The following DAB1 variants were observed in gnomAD, a reference collection of about 807,000 sequenced individuals.
DAB1 encodes the protein disabled homolog 1.
In DAB1, 15 loss-of-function variants were observed where a neutral mutation model predicts 64.6. The observed-to-expected ratio is 0.23, with a 90% CI of 0.16 to 0.36. The LOEUF is 0.36. Among genes scored for constraint, DAB1 ranks in the 10% least tolerant of loss-of-function variants. DAB1 has a pLI of 1.00. For missense variants in DAB1, 596 were observed against 706.7 expected (o/e 0.84, Z 1.78); for synonymous variants, 235 against 251.9 (o/e 0.93, Z 0.64).
intron 4 of DAB1, among the ~76,000 whole-genome samples, chr1:58,219,169 C>T (rs921867054): frequency 7.2e-5 from 11 of 152,028 alleles, no homozygotes; most frequent in African/African-American, 2.4e-4. Flanking sequence ...CCTCTGTCTA[C>T]GGGTTTCCAT....
chr1:57,078,899 G>T (rs1318392671), intron 4 of DAB1, among the ~76,000 whole-genome samples: 1 of 152,168 alleles, frequency 6.6e-6, no homozygotes. Context: ...CTGCAGTGCT[G>T]TTAGGATGGT....
chr1:57,780,697 C>T (rs1000929309), intron 6 of DAB1, among the ~76,000 whole-genome samples: 3 of 145,384 alleles, frequency 2.1e-5, no homozygotes, highest in Non-Finnish European at 3.0e-5. Flanking sequence ...TCTTTTGTTT[C>T]CTTCCTTCCT....
intron 1 of DAB1, among the ~76,000 whole-genome samples, chr1:57,844,685 G>T (rs1467406492): frequency 6.6e-6 from 1 of 152,136 alleles, no homozygotes; most frequent in Admixed American, 6.5e-5. Context: ...TTGCATTCTT[G>T]TTCCTGGCTG....
chr1:58,105,426 T>C (rs1651574523), intron 5 of DAB1, among the ~76,000 whole-genome samples: 1 of 152,152 alleles, frequency 6.6e-6, no homozygotes, highest in Non-Finnish European at 1.5e-5. Flanking sequence ...GCATGCATCA[T>C]TTCATATCAG....
At chr1:57,179,511 C>A (rs1202261829) in intron 2 of DAB1, among the ~76,000 whole-genome samples, 1 of 152,202 alleles carries the variant, frequency 6.6e-6, no homozygotes, top group Admixed American at 6.5e-5. Flanking sequence ...GTCAGATGCA[C>A]ATTGTATATC....
chr1:58,523,254 A>G (rs957656719), intron 2 of DAB1, among the ~76,000 whole-genome samples: 26 of 151,936 alleles, frequency 1.7e-4, no homozygotes. Flanking sequence ...TCTTTTCATC[A>G]TTTCCTTGAC....
chr1:57,165,528 T>G (rs1479864300), intron 2 of DAB1, among the ~76,000 whole-genome samples: 1 of 152,226 alleles, frequency 6.6e-6, no homozygotes, highest in Non-Finnish European at 1.5e-5. Context: ...ACTGCCATTG[T>G]GCAAGGAGCT....
chr1:57,692,125 T>C (rs1414414395), intron 6 of DAB1, among the ~76,000 whole-genome samples: 1 of 152,040 alleles, frequency 6.6e-6, no homozygotes. Context: ...AGCAGAAGTC[T>C]CAAAGTCACG....
chr1:57,897,494 A>T (rs1644408417), intron 5 of DAB1, among the ~76,000 whole-genome samples: 1 of 152,158 alleles, frequency 6.6e-6, no homozygotes, highest in South Asian at 2.1e-4. Flanking sequence ...TCCAATTAGC[A>T]CATCTTCTCA....
rs75092646 is a variant in DAB1, at chr1:57,741,551, T to A, written n.552-91886A>T. Among the ~76,000 whole-genome samples the A allele has an allele frequency of 1.1e-4, 16 of 152,344 alleles. No individual in the cohort carries two copies. The East Asian group carries it at 3.1e-3, about 29-fold the overall frequency. The stretch of plus-strand genomic sequence containing the variant: ...TAAATTCTGTTCCATGAGGAAGTGA[T>A]GTCAGTTTCCCAGTTGGGACCATTT... On this transcript the variant is annotated intron_variant and non_coding_transcript_variant, in intron 6 of 20. Transcript: ENST00000485760.
chr1:57,769,119 T>C (rs1289642910), intron 6 of DAB1, among the ~76,000 whole-genome samples: 1 of 152,178 alleles, frequency 6.6e-6, no homozygotes, highest in Non-Finnish European at 1.5e-5. Context: ...GCAGAGGGCC[T>C]GCTGCATGGT....
intron 1 of DAB1, among the ~76,000 whole-genome samples, chr1:57,301,341 G>A (rs1673635393): frequency 6.6e-6 from 1 of 152,066 alleles, no homozygotes; most frequent in Non-Finnish European, 1.5e-5. Flanking sequence ...GATTCTAAAG[G>A]GGCACCTTCC....
chr1:57,351,691 T>A (rs1678602064), intron 1 of DAB1, among the ~76,000 whole-genome samples: 1 of 152,052 alleles, frequency 6.6e-6, no homozygotes. Flanking sequence ...CGCATACACA[T>A]CTTTCATGTG....
chr1:57,241,441 C>A (rs918994267), intron 2 of DAB1, among the ~76,000 whole-genome samples: 25 of 152,264 alleles, frequency 1.6e-4, no homozygotes, highest in Admixed American at 1.4e-3. Context: ...AAATCTAAAG[C>A]CTACCAACCA....
At chr1:57,318,682 T>C (rs1316261586) in intron 1 of DAB1, among the ~76,000 whole-genome samples, 3 of 136,086 alleles carry the variant, frequency 2.2e-5, no homozygotes, top group African/African-American at 5.7e-5. Context: ...TGACTCAATA[T>C]AATAAATGCA....
At chr1:58,355,377 A>G (rs1644100297) in intron 3 of DAB1, among the ~76,000 whole-genome samples, 1 of 152,212 alleles carries the variant, frequency 6.6e-6, no homozygotes, top group African/African-American at 2.4e-5. Context: ...TTGGTGGTCT[A>G]CCAGTGGAAA....
At chr1:57,711,227 T>C (rs894354938) in intron 6 of DAB1, among the ~76,000 whole-genome samples, 1 of 152,212 alleles carries the variant, frequency 6.6e-6, no homozygotes, top group Non-Finnish European at 1.5e-5. Context: ...ATAAACTAAA[T>C]GTTTCCCAAA....
chr1:58,069,689 AATG>A (rs1649114610), intron 5 of DAB1, among the ~76,000 whole-genome samples: 1 of 152,176 alleles, frequency 6.6e-6, no homozygotes, highest in Non-Finnish European at 1.5e-5. Flanking sequence ...TCCATGTTGA[AATG>A]ATATCTTATG....
chr1:58,015,154 G>C (rs76877054), intron 5 of DAB1, among the ~76,000 whole-genome samples: 2,745 of 152,308 alleles, frequency 0.018, 79 homozygotes, highest in African/African-American at 0.062. Flanking sequence ...CCATGGGCCT[G>C]AGATGGAGGC....
Sources: gnomAD v4.1 joint callset for allele counts (sites outside exome capture counted in the v4.1 genomes callset) on GRCh38, gnomAD v4.1.1 for gene constraint, MANE v1.5 for transcripts, NCBI Gene and HGNC (gene_info 2026-07-23, HGNC 2026-07-21) for gene names.